The following SEMA5A variants were observed in gnomAD, a reference collection of about 807,000 sequenced individuals.
SEMA5A encodes semaphorin-5A.
Under a neutral mutation model 135.5 loss-of-function variants are expected in SEMA5A, and 55 were observed. That is an observed-to-expected ratio of 0.41 (90% confidence interval 0.33 to 0.51). The LOEUF (loss-of-function observed/expected upper bound fraction) is 0.51. Among genes scored for constraint, SEMA5A ranks in the 20% least tolerant of loss-of-function variants. The pLI is 0.37. For synonymous variants in SEMA5A, 580 were observed against 546.5 expected, an observed-to-expected ratio of 1.06 and a Z score of -0.85; for missense variants, 1,290 against 1,419.9, an observed-to-expected ratio of 0.91 and a Z score of 1.47.
chr5:9,325,211 G>GT (rs1008429948), intron 4 of SEMA5A, among the ~76,000 whole-genome samples: 16 of 150,592 alleles, frequency 1.1e-4, no homozygotes, highest in South Asian at 8.4e-4. Flanking sequence ...AAAAACATGA[G>GT]TTTTTTCTGC....
At chr5:9,341,484 GGGGTC>G (rs1236761284) in intron 3 of SEMA5A, among the ~76,000 whole-genome samples, 4 of 151,860 alleles carry the variant, frequency 2.6e-5, no homozygotes, top group African/African-American at 7.2e-5. Context: ...GGAGCAGGAG[GGGGTC>G]CACAGCAAGT....
At chr5:9,124,480 G>A (rs1740998182) in intron 13 of SEMA5A, among the ~76,000 whole-genome samples, 1 of 151,998 alleles carries the variant, frequency 6.6e-6, no homozygotes, top group South Asian at 2.1e-4. Flanking sequence ...TTTTTGAGAT[G>A]GAGTCTCGCT....
At chr5:9,152,607 G>A (rs1742690675) in intron 12 of SEMA5A, among the ~76,000 whole-genome samples, 1 of 152,116 alleles carries the variant, frequency 6.6e-6, no homozygotes, top group South Asian at 2.1e-4. Flanking sequence ...CATCTTGACA[G>A]GCTTATTGCT....
chr5:9,390,193 T>A (rs775225232), intron 2 of SEMA5A, among the ~76,000 whole-genome samples: 15 of 152,206 alleles, frequency 9.9e-5, no homozygotes, highest in Admixed American at 2.0e-4. Context: ...AAATGTCCTT[T>A]CTAAATGTCA....
intron 1 of SEMA5A, among the ~76,000 whole-genome samples, chr5:9,457,131 C>T (rs3798031): frequency 0.29 from 44,327 of 152,052 alleles, 6,787 homozygotes; most frequent in Admixed American, 0.35. Context: ...GTACTAACCA[C>T]GTGCTGCTTC....
chr5:9,225,824 A>G (rs1316011953), intron 7 of SEMA5A, among the ~76,000 whole-genome samples: 1 of 152,084 alleles, frequency 6.6e-6, no homozygotes, highest in Non-Finnish European at 1.5e-5. Flanking sequence ...GCTCTTGGGT[A>G]CTGGTGGAAT....
At chr5:9,450,717 G>T (rs1487552312) in intron 1 of SEMA5A, among the ~76,000 whole-genome samples, 1 of 150,680 alleles carries the variant, frequency 6.6e-6, no homozygotes, top group Non-Finnish European at 1.5e-5. Context: ...ATGTGCTCTG[G>T]CTAAAATAAA....
intron 1 of SEMA5A, chr5:9,512,051 A>G (rs1736231743): frequency 6.6e-6 from 1 of 152,234 alleles, no homozygotes; most frequent in Non-Finnish European, 1.5e-5. Flanking sequence ...TTTGGGGATG[A>G]ATGAAGGCAG....
chr5:9,469,031 T>A (rs907665575), intron 1 of SEMA5A, among the ~76,000 whole-genome samples: 1 of 152,162 alleles, frequency 6.6e-6, no homozygotes, highest in Non-Finnish European at 1.5e-5. Flanking sequence ...GTTTTTGAGA[T>A]GAAGTCTCTC....
At chr5:9,046,578 C>T (rs547448624) in intron 21 of SEMA5A, among the ~76,000 whole-genome samples, 10 of 152,360 alleles carry the variant, frequency 6.6e-5, no homozygotes, top group African/African-American at 2.4e-4. Flanking sequence ...GAACCTCATG[C>T]AACCCTCCAG....
intron 2 of SEMA5A, among the ~76,000 whole-genome samples, chr5:9,402,983 C>T (rs1390229204): frequency 6.6e-6 from 1 of 152,180 alleles, no homozygotes; most frequent in East Asian, 1.9e-4. Context: ...GCCTCATGGT[C>T]CTCTTTGCAC....
chr5:9,166,289 T>C (rs576201151), intron 11 of SEMA5A, among the ~76,000 whole-genome samples: 9 of 152,076 alleles, frequency 5.9e-5, no homozygotes, highest in Non-Finnish European at 1.3e-4. Flanking sequence ...GACATGTTCA[T>C]TGTGTGGCCT....
At chr5:9,431,259 C>A (rs1054308005) in intron 2 of SEMA5A, among the ~76,000 whole-genome samples, 5 of 151,968 alleles carry the variant, frequency 3.3e-5, no homozygotes, top group Non-Finnish European at 7.4e-5. Context: ...TTTATATGTA[C>A]TAAAAAAAAT....
intron 5 of SEMA5A, among the ~76,000 whole-genome samples, chr5:9,249,341 T>G (rs1045977439): frequency 6.6e-6 from 1 of 152,174 alleles, no homozygotes; most frequent in South Asian, 2.1e-4. Flanking sequence ...CTGACTTAAA[T>G]GTGCACAACA....
chr5:9,428,231 A>T (rs549311277), intron 2 of SEMA5A, among the ~76,000 whole-genome samples: 1 of 151,918 alleles, frequency 6.6e-6, no homozygotes, highest in East Asian at 1.9e-4. Flanking sequence ...ACTCTTAAAC[A>T]TTAGTGCTGT....
intron 5 of SEMA5A, among the ~76,000 whole-genome samples, chr5:9,242,086 G>A (rs1218191470): frequency 1.3e-5 from 2 of 152,096 alleles, no homozygotes; most frequent in Non-Finnish European, 2.9e-5. Context: ...TGTATTCTGC[G>A]ATGCGCTGGG....
At chr5:9,152,070 G>T (rs13179890) in intron 12 of SEMA5A, among the ~76,000 whole-genome samples, 1 of 152,020 alleles carries the variant, frequency 6.6e-6, no homozygotes, top group Non-Finnish European at 1.5e-5. Flanking sequence ...CCTAAGTTGC[G>T]TGTACAAGAG....
chr5:9,320,166 A>G (rs1023203174), intron 4 of SEMA5A, among the ~76,000 whole-genome samples: 1 of 151,610 alleles, frequency 6.6e-6, no homozygotes, highest in African/African-American at 2.4e-5. Context: ...AAACCACAGC[A>G]ATAGTCTCCT....
At chr5:9,480,686 T>G (rs1355344042) in intron 1 of SEMA5A, among the ~76,000 whole-genome samples, 1 of 152,146 alleles carries the variant, frequency 6.6e-6, no homozygotes, top group Non-Finnish European at 1.5e-5. Flanking sequence ...GGAAACAGGC[T>G]GGGAACATTC....
Sources: allele counts gnomAD v4.1 joint callset (sites outside exome capture counted in the v4.1 genomes callset), GRCh38; gene constraint gnomAD v4.1.1; transcripts MANE v1.5; gene names NCBI Gene and HGNC (gene_info 2026-07-23, HGNC 2026-07-21).